POLG2: variants seen among roughly 807,000 people sequenced by gnomAD.
The protein encoded by POLG2 is DNA polymerase gamma 2, accessory subunit.
POLG2 carries 50 observed loss-of-function variants against 56.5 expected under a neutral mutation model. The observed-to-expected ratio is 0.88, with a 90% CI of 0.71 to 1.12. POLG2 has a LOEUF of 1.12. Among genes scored for constraint, POLG2 ranks in the 50% most tolerant of loss-of-function variants. The pLI is 0.00. For missense variants in POLG2, 584 were observed against 583.3 expected (o/e 1.00, Z -0.01); for synonymous variants, 226 against 222.6 (o/e 1.02, Z -0.14).
chr17:64,492,332 T>C (rs1352980911), intron 3 of POLG2, among the ~76,000 whole-genome samples: 3 of 152,180 alleles, frequency 2.0e-5, no homozygotes, highest in African/African-American at 7.2e-5. Context: ...TTGACTAATA[T>C]GGAAAGTTCA....
intron 4 of POLG2, among the ~76,000 whole-genome samples, chr17:64,486,317 C>G (rs1286475672): frequency 6.6e-6 from 1 of 151,530 alleles, no homozygotes; most frequent in African/African-American, 2.4e-5. Flanking sequence ...CAGACTATTT[C>G]TTTAATGCTT....
intron 7 of POLG2, among the ~76,000 whole-genome samples, chr17:64,479,210 G>A (rs2037817598): frequency 6.9e-6 from 1 of 144,258 alleles, no homozygotes; most frequent in Admixed American, 6.9e-5. Flanking sequence ...TTGAGAAGGA[G>A]TCTCGCTCTG....
At chr17:64,496,073 A>G (rs1555669447) in intron 1 of POLG2, among the ~76,000 whole-genome samples, 1 of 152,224 alleles carries the variant, frequency 6.6e-6, no homozygotes, top group Admixed American at 6.5e-5. Context: ...TTTACTTAGA[A>G]TAAATCTAAG....
At position 64,492,776 on chromosome 17, in the gene POLG2, T is replaced by C. The variant is rs927375019; in HGVS notation, c.690-4A>G. On this transcript the variant is annotated splice_polypyrimidine_tract_variant and splice_region_variant and intron_variant, in intron 2 of 7. Coordinates refer to ENST00000539111, the MANE Select transcript of POLG2 (RefSeq NM_007215.4). ...AGCTTCAGTCTTCTCACCAATACTTTAGATATAAAACGTATCAGGAAGTTA... is the reference window on the plus strand; with the variant it reads ...AGCTTCAGTCTTCTCACCAATACTTCAGATATAAAACGTATCAGGAAGTTA... 1 of 1,606,324 alleles carries C rather than the reference T, an allele frequency of 6.2e-7. No homozygotes were observed. The highest frequency in any genetic ancestry group is 1.3e-5 in the African/African-American group (1 of 74,922).
At chr17:64,485,029 C>T (rs1405390192) in intron 5 of POLG2, 2 of 152,182 alleles carry the variant, frequency 1.3e-5, no homozygotes, top group African/African-American at 4.8e-5. Flanking sequence ...GTAAAATGTC[C>T]TTCAAAGACC....
intron 5 of POLG2, 173 bp downstream of exon 5, chr17:64,485,555 G>A: frequency 1.6e-6 from 1 of 634,526 alleles, no homozygotes; most frequent in Non-Finnish European, 2.8e-6. Flanking sequence ...TATTCTGTGA[G>A]AACCTGATTC....
chr17:64,489,216 T>A (rs1202290183), intron 4 of POLG2, among the ~76,000 whole-genome samples: 1 of 150,588 alleles, frequency 6.6e-6, no homozygotes, highest in East Asian at 1.9e-4. Flanking sequence ...ACCATCAAAA[T>A]AAATAATGAC....
At position 64,496,703 on chromosome 17, in the gene POLG2, T is replaced by A; in HGVS notation, c.266A>T (p.Asp89Val). The part of the protein sequence containing the change: ...LSGSKQQLSR[D>V]SLLSGCHPGF... ...GGGGTGGCACCCACTCAGAAGAGAA[T>A]CCCGGCTAAGCTGCTGCTTGCTTCC... Residue 89 changes from aspartate to valine, a missense_variant, in exon 1 of 8, where the codon GAT becomes GTT. Coordinates refer to ENST00000539111, the MANE Select transcript of POLG2 (RefSeq NM_007215.4). The A allele has an allele frequency of 6.2e-7, 1 of 1,614,000 alleles. No homozygotes were observed. The highest frequency in any genetic ancestry group is 8.5e-7 in the Non-Finnish European group (1 of 1,180,006).
intron 4 of POLG2, among the ~76,000 whole-genome samples, 165 bp from the exon 5 acceptor site, chr17:64,486,033 C>T (rs1568085215): frequency 6.6e-6 from 1 of 152,164 alleles, no homozygotes; most frequent in Non-Finnish European, 1.5e-5. Context: ...TCTCCTGCCT[C>T]AGCCTCCTGA....
In POLG2 at chr17:64,492,979, T is replaced by C. The variant is rs781804821; in HGVS notation, c.605A>G (p.Lys202Arg). 16 of 1,614,060 alleles carry C rather than the reference T, an allele frequency of 9.9e-6. No homozygotes were observed. The East Asian group carries it at 3.6e-4, about 36-fold the overall frequency. ...HYVNCLDLVN[K>R]RLPYGLAQIG... ...CTGAGCAAGGCCATAAGGTAGCCTC[T>C]TGTTTACCAGATCCAGGCAATTAAC... The change falls in exon 2 of 8, where the codon AAG (lysine) becomes AGG (arginine). Residue 202 changes from lysine (K) to arginine (R), a missense_variant. Coordinates refer to ENST00000539111, the MANE Select transcript of POLG2 (RefSeq NM_007215.4).
At chr17:64,489,558 C>T (rs1440196992) in intron 4 of POLG2, among the ~76,000 whole-genome samples, 2 of 151,308 alleles carry the variant, frequency 1.3e-5, no homozygotes, top group African/African-American at 4.9e-5. Context: ...CCCAGGAGTT[C>T]GAGACCAGCC....
At chr17:64,482,785 T>G (rs916868063) in intron 6 of POLG2, 134 bp downstream of exon 6, 1 of 654,382 alleles carries the variant, frequency 1.5e-6, no homozygotes, top group South Asian at 1.7e-5. Context: ...TCAGAACATT[T>G]AAGATTTTGG....
intron 4 of POLG2, among the ~76,000 whole-genome samples, chr17:64,489,361 TA>T (rs1555668105): frequency 1.4e-3 from 193 of 135,194 alleles, no homozygotes; most frequent in East Asian, 2.7e-3. Context: ...TGTTTTTTTT[TA>T]AAAAAAAAAA....
chr17:64,491,043 G>T (rs2038049586), intron 3 of POLG2, 74 bp from the exon 4 acceptor site: 2 of 1,139,442 alleles, frequency 1.8e-6, no homozygotes, highest in Admixed American at 1.7e-5. Flanking sequence ...TTATCTGTAA[G>T]AATTTAAATT....
intron 1 of POLG2, among the ~76,000 whole-genome samples, chr17:64,495,095 G>A (rs1354417334): frequency 1.3e-5 from 2 of 149,938 alleles, no homozygotes; most frequent in Non-Finnish European, 3.0e-5. Context: ...GGAGAATGGC[G>A]TGAACCTGGG....
intron 4 of POLG2, 67 bp from the exon 5 acceptor site, chr17:64,485,935 C>G: frequency 1.3e-6 from 2 of 1,517,288 alleles, no homozygotes; most frequent in Non-Finnish European, 1.8e-6. Context: ...GTTTTTGAGA[C>G]GGAGTCTCAC....
At chr17:64,488,958 AT>A (rs2038006177) in intron 4 of POLG2, among the ~76,000 whole-genome samples, 1 of 152,098 alleles carries the variant, frequency 6.6e-6, no homozygotes, top group Non-Finnish European at 1.5e-5. Context: ...AAATAAAAAA[AT>A]AAAAATTAAT....
At chr17:64,491,644 GT>G (rs1407598911) in intron 3 of POLG2, 1 of 1,440,030 alleles carries the variant, frequency 6.9e-7, no homozygotes, top group Non-Finnish European at 9.7e-7. Context: ...TTTCAAAGAG[GT>G]TACTACTGGT....
At chr17:64,480,495 GGTAT>G (rs2037839570) in intron 6 of POLG2, 106 bp from the exon 7 acceptor site, 6 of 549,848 alleles carry the variant, frequency 1.1e-5, no homozygotes, top group Admixed American at 1.0e-4. Context: ...CTCTAAAATG[GGTAT>G]GTTTCTTTAA....
Sources: allele counts gnomAD v4.1 joint callset (sites outside exome capture counted in the v4.1 genomes callset), GRCh38; gene constraint gnomAD v4.1.1; transcripts MANE v1.5; gene names NCBI Gene and HGNC (gene_info 2026-07-23, HGNC 2026-07-21).